The following PTPRD variants were observed in gnomAD, a reference collection of about 807,000 sequenced individuals.
PTPRD encodes protein tyrosine phosphatase receptor type D.
In PTPRD, 34 loss-of-function variants were observed where a neutral mutation model predicts 214.5. The observed-to-expected ratio is 0.16, with a 90% CI of 0.12 to 0.21. PTPRD has a LOEUF of 0.21. Ranked by LOEUF, PTPRD falls within the 10% of genes least tolerant of loss-of-function variation. The probability of loss-of-function intolerance (pLI) is 1.00; values close to 1 mark genes in which losing one functional copy is unlikely to be tolerated. For synonymous variants in PTPRD, 1,128 were observed against 845.7 expected (o/e 1.33, Z -5.79); for missense variants, 2,545 against 2,398.7 (o/e 1.06, Z -1.27).
At position 9,212,651 on chromosome 9, in the gene PTPRD, G is replaced by C. The variant is rs148427664; in HGVS notation, c.-202-29288C>G. On this transcript the variant is annotated intron_variant, in intron 9 of 45. Coordinates refer to ENST00000381196, the MANE Select transcript of PTPRD (RefSeq NM_002839.4). The stretch of plus-strand genomic sequence containing the variant: ...AGAAACCCGGCATGTTGAGATAGAA[G>C]TATTTTGCACATACAGCCAAGGCCA... Among the ~76,000 whole-genome samples the C allele has an allele frequency of 3.8e-3, 582 of 152,272 alleles. 2 individuals carry two copies. The highest frequency in any genetic ancestry group is 0.013 in the African/African-American group (553 of 41,568).
At chr9:9,215,760 G>A (rs2099951744) in intron 9 of PTPRD, among the ~76,000 whole-genome samples, 1 of 152,150 alleles carries the variant, frequency 6.6e-6, no homozygotes, top group South Asian at 2.1e-4. Context: ...ATCGTACATT[G>A]ATTCATTGAT....
Position 10,430,397 on chromosome 9 carries a change from C to T in PTPRD, c.-599-89380G>A, listed in dbSNP as rs538650682. Among the ~76,000 whole-genome samples, 40 of 151,780 alleles carry T rather than the reference C, an allele frequency of 2.6e-4. No individual in the cohort carries two copies. The South Asian group carries it at 2.9e-3, about 11-fold the overall frequency. On this transcript the variant is annotated intron_variant, in intron 2 of 45. Coordinates refer to ENST00000381196, the MANE Select transcript of PTPRD (RefSeq NM_002839.4). ...TAAATAATGGTTAAATTACTTTACG[C>T]GTGTGAGTATGCCTCTCTATATACA...
At chr9:9,126,031 C>A (rs2099832032) in intron 10 of PTPRD, among the ~76,000 whole-genome samples, 1 of 152,144 alleles carries the variant, frequency 6.6e-6, no homozygotes, top group African/African-American at 2.4e-5. Flanking sequence ...ATGCCTACAG[C>A]ATTGCCAACC....
chr9:10,582,961 A>T (rs1177153696), intron 2 of PTPRD, among the ~76,000 whole-genome samples: 1 of 152,218 alleles, frequency 6.6e-6, no homozygotes, highest in Non-Finnish European at 1.5e-5. Context: ...AAAAAATAGA[A>T]GTGTATTTGA....
chr9:8,591,485 A>C (rs2094103092), intron 14 of PTPRD, among the ~76,000 whole-genome samples: 1 of 152,146 alleles, frequency 6.6e-6, no homozygotes, highest in African/African-American at 2.4e-5. Context: ...TTTTATTGGC[A>C]GGTTGGATTT....
intron 3 of PTPRD, among the ~76,000 whole-genome samples, chr9:10,119,172 A>G (rs890536124): frequency 2.0e-5 from 3 of 151,964 alleles, no homozygotes; most frequent in African/African-American, 7.2e-5. Context: ...ACTACTATTC[A>G]TTGAGGTGAT....
chr9:8,914,255 A>C (rs903945131), intron 11 of PTPRD, among the ~76,000 whole-genome samples: 1 of 152,164 alleles, frequency 6.6e-6, no homozygotes, highest in Non-Finnish European at 1.5e-5. Context: ...AAAATAAATA[A>C]GGAAGAATGC....
chr9:10,223,700 T>TAATA (rs2099579371), intron 3 of PTPRD, among the ~76,000 whole-genome samples: 1 of 147,320 alleles, frequency 6.8e-6, no homozygotes, highest in Non-Finnish European at 1.5e-5. Context: ...ATAATAATAA[T>TAATA]AATAATAATA....
chr9:9,190,804 A>C (rs1483416303), intron 9 of PTPRD, among the ~76,000 whole-genome samples: 1 of 152,132 alleles, frequency 6.6e-6, no homozygotes, highest in Non-Finnish European at 1.5e-5. Flanking sequence ...GAACTATGTT[A>C]TTCTAAGTCA....
chr9:10,033,726 A>C lies in PTPRD; in HGVS notation c.-480T>G, dbSNP rs567841427. The C allele has an allele frequency of 3.9e-5, 6 of 152,254 alleles. No individual in the cohort carries two copies. The East Asian group carries it at 9.6e-4, about 24-fold the overall frequency. 9.4% of individuals were successfully genotyped at this position (152,254 alleles called of 1,614,324 possible). ...GAATGAGTGAGACTTACCAATGTAC[A>C]GCTTCCCCCTACAAGATGATTTTAT... On this transcript the variant is annotated 5_prime_UTR_variant, in exon 4 of 46. Coordinates refer to ENST00000381196, the MANE Select transcript of PTPRD (RefSeq NM_002839.4).
At chr9:8,368,676 CTT>C (rs199556434) in intron 39 of PTPRD, among the ~76,000 whole-genome samples, 72 of 117,240 alleles carry the variant, frequency 6.1e-4, no homozygotes, top group African/African-American at 1.2e-3. Flanking sequence ...CCTTTTAATG[CTT>C]TTTTTTTTTT....
intron 12 of PTPRD, among the ~76,000 whole-genome samples, chr9:8,642,892 A>T (rs77052213): frequency 6.6e-6 from 1 of 152,044 alleles, no homozygotes; most frequent in South Asian, 2.1e-4. Context: ...CCAACACATG[A>T]CGAAAGGGAG....
intron 35 of PTPRD, among the ~76,000 whole-genome samples, chr9:8,411,610 A>G (rs895095732): frequency 2.6e-5 from 4 of 152,186 alleles, no homozygotes; most frequent in Non-Finnish European, 4.4e-5. Flanking sequence ...AACACTATAC[A>G]TGGCTTTTTA....
intron 12 of PTPRD, among the ~76,000 whole-genome samples, chr9:8,684,936 CAG>C (rs1180596493): frequency 2.6e-5 from 4 of 152,082 alleles, no homozygotes; most frequent in African/African-American, 9.7e-5. Flanking sequence ...AGAGAAAAAA[CAG>C]TGATCAGCTT....
intron 7 of PTPRD, among the ~76,000 whole-genome samples, chr9:9,643,870 T>C (rs2096057141): frequency 6.6e-6 from 1 of 152,316 alleles, no homozygotes; most frequent in Admixed American, 6.5e-5. Flanking sequence ...ATTTTGGAAC[T>C]GATTTTGCCT....
chr9:8,763,346 T>TA (rs570510273), intron 11 of PTPRD, among the ~76,000 whole-genome samples: 97 of 151,840 alleles, frequency 6.4e-4, no homozygotes, highest in African/African-American at 2.3e-3. Context: ...ACCCCATCTC[T>TA]AATAAAAATA....
intron 11 of PTPRD, among the ~76,000 whole-genome samples, chr9:8,893,985 T>C (rs2098572194): frequency 6.6e-6 from 1 of 152,092 alleles, no homozygotes; most frequent in South Asian, 2.1e-4. Context: ...CTCAAACATA[T>C]TGTATCTCTC....
chr9:9,164,157 A>G (rs180739164), intron 10 of PTPRD, among the ~76,000 whole-genome samples: 7 of 152,272 alleles, frequency 4.6e-5, no homozygotes, highest in Admixed American at 3.9e-4. Context: ...CTGGAGCTCA[A>G]AAGTCTAAAA....
intron 11 of PTPRD, among the ~76,000 whole-genome samples, chr9:8,967,747 A>G (rs2099207161): frequency 6.6e-6 from 1 of 152,152 alleles, no homozygotes; most frequent in African/African-American, 2.4e-5. Flanking sequence ...AATGCTCAGT[A>G]TGTACAGGCA....
Sources: gnomAD v4.1 joint callset for allele counts (sites outside exome capture counted in the v4.1 genomes callset) on GRCh38, gnomAD v4.1.1 for gene constraint, MANE v1.5 for transcripts, NCBI Gene and HGNC (gene_info 2026-07-23, HGNC 2026-07-21) for gene names.